ARHGAP23: variants seen among roughly 807,000 people sequenced by gnomAD.
ARHGAP23 encodes the protein Rho GTPase activating protein 23.
ARHGAP23 carries 34 observed loss-of-function variants against 136.3 expected under a neutral mutation model. The observed-to-expected ratio is 0.25, with a 90% confidence interval of 0.19 to 0.33. The LOEUF (loss-of-function observed/expected upper bound fraction) is 0.33, where lower values mean the gene tolerates loss of function less well. ARHGAP23 is among the 10% of genes least tolerant of loss of function. ARHGAP23 has a pLI of 1.00. For synonymous variants in ARHGAP23, 832 were observed against 920.5 expected, an observed-to-expected ratio of 0.90 and a Z score of 1.74; for missense variants, 1,808 against 2,139.0, an observed-to-expected ratio of 0.85 and a Z score of 3.05.
At chr17:38,508,586 G>A (rs865925253) in intron 23 of ARHGAP23, among the ~76,000 whole-genome samples, 6 of 152,216 alleles carry the variant, frequency 3.9e-5, no homozygotes, top group Non-Finnish European at 8.8e-5. Flanking sequence ...GGAGAGACCC[G>A]GGCTGGGGCA....
chr17:38,460,765 C>A lies in ARHGAP23; in HGVS notation c.226-140C>A, dbSNP rs567195289. On this transcript the variant is annotated intron_variant, in intron 2 of 23. Transcript: ENST00000622683. ...ACTTGGTGCCCCTCGGACACCCCTC[C>A]CGCACCCTCCCCTGCTGGGCTACTT... 207 of 1,517,014 alleles carry A rather than the reference C, an allele frequency of 1.4e-4. 1 individual carries two copies. The African/African-American group carries it at 2.5e-3, about 19-fold the overall frequency. The allele number at this position is 1,517,014 out of a possible 1,614,324, so 94.0% of individuals were successfully genotyped here. A position where few individuals can be genotyped will look rare whatever the true frequency, so the allele number is the denominator to read the frequency against.
chr17:38,488,922 C>T lies in ARHGAP23; in HGVS notation c.2987-1180C>T, dbSNP rs138456303. ...ACTGAGTCTCACCCTGTCATCCAGG[C>T]TGGAGTGCAGTGTTACGATCTCGGC... On this transcript the variant is annotated intron_variant, in intron 17 of 23. Transcript: ENST00000622683. Among the ~76,000 whole-genome samples, 1,000 of 152,208 alleles carry T rather than the reference C, an allele frequency of 6.6e-3. 5 individuals are homozygous for T. The Middle Eastern group carries it at 0.068, about 10-fold the overall frequency.
chr17:38,466,329 C>A lies in ARHGAP23; in HGVS notation c.646C>A (p.Pro216Thr). ...TMVPEPTSAL[P>T]SDPRSPAAWS... ...GGTGCCTGAGCCCACCTCAGCACTG[C>A]CCAGTGACCCCCGGAGTCCTGCTGC... The change falls in exon 7 of 24, where the codon CCC (proline) becomes ACC (threonine). Residue 216 changes from proline to threonine, a missense_variant. Physicochemically the swap from Pro to Thr is conservative, Grantham distance 38. Coordinates refer to ENST00000622683, the MANE Select transcript of ARHGAP23 (RefSeq NM_001199417.2). The A allele has an allele frequency of 6.5e-7, 1 of 1,544,238 alleles. No individual in the cohort carries two copies. The highest frequency in any genetic ancestry group is 1.7e-4 in the Middle Eastern group (1 of 5,986).
In ARHGAP23 at chr17:38,466,847, C is replaced by T. The variant is rs977107127; in HGVS notation, c.1164C>T (p.Arg388=). The T allele has an allele frequency of 6.5e-7, 1 of 1,548,936 alleles. No homozygotes were observed. Among genetic ancestry groups the T allele is most frequent in the Non-Finnish European group, 8.7e-7 (1 of 1,146,620 alleles). ...CGWASQRSSA[R]TPACPTRDLP... ...GGGCTTCCCAGCGTTCGTCTGCCCG[C>T]ACCCCCGCCTGCCCAACTCGGGACC... Residue 388 remains arginine (R), a synonymous_variant, in exon 7 of 24, where the codon CGC becomes CGT. Coordinates refer to ENST00000622683, the MANE Select transcript of ARHGAP23 (RefSeq NM_001199417.2).
chr17:38,466,029 G>C, intron 6 of ARHGAP23, 138 bp from the exon 7 acceptor site: 2 of 401,666 alleles, frequency 5.0e-6, no homozygotes, highest in Non-Finnish European at 8.4e-6. Context: ...ACCCACTTAT[G>C]CCTCTCCCTC....
At position 38,466,331 on chromosome 17, in the gene ARHGAP23, C is replaced by G; in HGVS notation, c.648C>G (p.Pro216=). Reference sequence around the variant, plus strand: ...TGCCTGAGCCCACCTCAGCACTGCCCAGTGACCCCCGGAGTCCTGCTGCCT... The same window carrying G: ...TGCCTGAGCCCACCTCAGCACTGCCGAGTGACCCCCGGAGTCCTGCTGCCT... ...TMVPEPTSAL[P]SDPRSPAAWS... is the part of the protein sequence containing the mutation. The change falls in exon 7 of 24, where the codon CCC becomes CCG. Residue 216 remains proline, a synonymous_variant. Coordinates refer to ENST00000622683, the MANE Select transcript of ARHGAP23 (RefSeq NM_001199417.2). 6.5e-7 allele frequency: 1 copy of G among 1,544,474 alleles called. No individual in the cohort carries two copies. Among genetic ancestry groups the G allele is most frequent in the Non-Finnish European group, 8.7e-7 (1 of 1,146,602 alleles).
At chr17:38,499,298 G>C (rs2040468407) in intron 22 of ARHGAP23, among the ~76,000 whole-genome samples, 1 of 152,222 alleles carries the variant, frequency 6.6e-6, no homozygotes, top group Non-Finnish European at 1.5e-5. Context: ...ACTCTCTGGA[G>C]ACCAGCGATG....
intron 1 of ARHGAP23, among the ~76,000 whole-genome samples, chr17:38,441,904 C>T (rs1331436129): frequency 1.3e-5 from 2 of 152,124 alleles, no homozygotes; most frequent in Non-Finnish European, 2.9e-5. Context: ...GGTGAGGGCA[C>T]AGAGATGCAA....
At chr17:38,474,082 A>G (rs1289394196) in intron 11 of ARHGAP23, among the ~76,000 whole-genome samples, 1 of 152,056 alleles carries the variant, frequency 6.6e-6, no homozygotes, top group Non-Finnish European at 1.5e-5. Flanking sequence ...TACCACACCC[A>G]GCTAATTTTT....
chr17:38,503,656 C>T (rs905845777), intron 23 of ARHGAP23, among the ~76,000 whole-genome samples: 4 of 152,228 alleles, frequency 2.6e-5, no homozygotes, highest in African/African-American at 7.2e-5. Context: ...CCGGAAGCCT[C>T]CTGGCTTGAA....
intron 23 of ARHGAP23, among the ~76,000 whole-genome samples, chr17:38,506,072 C>T (rs959910591): frequency 5.9e-5 from 9 of 152,172 alleles, no homozygotes; most frequent in East Asian, 3.8e-4. Flanking sequence ...CAGAGTATTC[C>T]GGCTGGTAAT....
At chr17:38,485,886 AC>A (rs1469484016) in intron 16 of ARHGAP23, among the ~76,000 whole-genome samples, 175 bp from the exon 17 acceptor site, 1 of 152,200 alleles carries the variant, frequency 6.6e-6, no homozygotes. Flanking sequence ...GAGTGTGGGC[AC>A]AGGACCTCTC....
rs2144695555 is a variant in ARHGAP23, at chr17:38,477,157, A to G, written c.2119-422A>G. Among the ~76,000 whole-genome samples, 1 of 151,720 alleles carries G rather than the reference A, an allele frequency of 6.6e-6. No homozygotes were observed. Among genetic ancestry groups the G allele is most frequent in the South Asian group, 2.1e-4 (1 of 4,798 alleles). ...GGGTGGGCGGCAGGAAAGTGGGGAG[A>G]ACAACCCTCTAAGAGTGCGGACGGC... is the stretch of plus-strand genomic sequence containing the variant. On this transcript the variant is annotated intron_variant, in intron 11 of 23. Transcript: ENST00000622683. This position sits in a 1 kb window ranked among gnomAD's most constrained non-coding sequence, Gnocchi z 6.6.
At chr17:38,470,894 C>T (rs1418078813) in intron 10 of ARHGAP23, among the ~76,000 whole-genome samples, 1 of 151,964 alleles carries the variant, frequency 6.6e-6, no homozygotes, top group East Asian at 1.9e-4. Context: ...CATAAGCCAT[C>T]GCACCTGGAC....
upstream of ARHGAP23, among the ~76,000 whole-genome samples, chr17:38,427,148 A>ATTTT (rs141448082): frequency 0.029 from 4,477 of 152,260 alleles, 83 homozygotes; most frequent in Middle Eastern, 0.15. Flanking sequence ...AGTAGAAAGA[A>ATTTT]TTTTCTAGCT....
Position 38,469,277 on chromosome 17 carries a change from A to G in ARHGAP23, c.1782A>G (p.Gly594=). The change falls in exon 8 of 24, where the codon GGA becomes GGG. Residue 594 remains glycine, a synonymous_variant. Coordinates refer to ENST00000622683, the MANE Select transcript of ARHGAP23 (RefSeq NM_001199417.2). The part of the protein sequence containing the change: ...PSSPTFTFTL[G]RHYSQDCSSI... Reference sequence around the variant, plus strand: ...CCCCGACCTTCACTTTCACCCTCGGACGCCATTACTCGCAGGACTGCAGTG... The same window carrying G: ...CCCCGACCTTCACTTTCACCCTCGGGCGCCATTACTCGCAGGACTGCAGTG... 6.4e-7 allele frequency: 1 copy of G among 1,551,240 alleles called. No individual in the cohort carries two copies. The highest frequency in any genetic ancestry group is 8.7e-7 in the Non-Finnish European group (1 of 1,146,730).
intron 1 of ARHGAP23, among the ~76,000 whole-genome samples, chr17:38,434,253 G>A (rs1219261232): frequency 2.0e-5 from 3 of 152,222 alleles, no homozygotes; most frequent in Non-Finnish European, 4.4e-5. Context: ...TACTCCCGGT[G>A]GCAAGGAGCC....
chr17:38,437,123 T>G (rs1390091652), intron 1 of ARHGAP23, among the ~76,000 whole-genome samples: 1 of 152,076 alleles, frequency 6.6e-6, no homozygotes, highest in East Asian at 1.9e-4. Flanking sequence ...AAGCATCAAA[T>G]TTCAAGCTGG....
intron 23 of ARHGAP23, 83 bp downstream of exon 23, chr17:38,500,711 G>A (rs985228558): frequency 7.8e-7 from 1 of 1,281,422 alleles, no homozygotes; most frequent in African/African-American, 1.5e-5. Flanking sequence ...TTGAGGGAAT[G>A]GCAGTTGGAC....
Sources: allele counts gnomAD v4.1 joint callset (sites outside exome capture counted in the v4.1 genomes callset), GRCh38; gene constraint gnomAD v4.1.1; non-coding constraint Gnocchi (gnomAD v3.1); transcripts MANE v1.5; gene names NCBI Gene and HGNC (gene_info 2026-07-23, HGNC 2026-07-21).